The following MUC5AC variants were observed in gnomAD, a reference collection of about 807,000 sequenced individuals.
MUC5AC encodes mucin-5AC.
Under a neutral mutation model 169.7 loss-of-function variants are expected in MUC5AC, and 158 were observed. The ratio of observed to expected loss-of-function variants is 0.93; its 90% CI spans 0.82 to 1.06. The LOEUF (loss-of-function observed/expected upper bound fraction) is 1.06, where lower values mean the gene tolerates loss of function less well. MUC5AC is among the 50% of genes least tolerant of loss of function. The pLI is 0.00. For synonymous variants in MUC5AC, 1,975 were observed against 1,237.0 expected (o/e 1.60, Z -12.52); for missense variants, 4,359 against 3,089.9 (o/e 1.41, Z -9.74).
intron 19 of MUC5AC, among the ~76,000 whole-genome samples, chr11:1,175,928 CACACTCAT>C (rs1233240040): frequency 7.0e-6 from 1 of 142,780 alleles, no homozygotes; most frequent in African/African-American, 2.6e-5. Flanking sequence ...CTCATGCACA[CACACTCAT>C]ACTCATGCAC....
chr11:1,175,156 G>A lies in MUC5AC; in HGVS notation c.2348+19G>A. 1 of 323,502 alleles carries A rather than the reference G, an allele frequency of 3.1e-6. No homozygotes were observed. Among genetic ancestry groups the A allele is most frequent in the Non-Finnish European group, 5.5e-6 (1 of 183,034 alleles). 20.0% of individuals were successfully genotyped at this position (323,502 alleles called of 1,614,324 possible). A position where few individuals can be genotyped will look rare whatever the true frequency, so the allele number is the denominator to read the frequency against. On this transcript the variant is annotated intron_variant, in intron 18 of 48. Coordinates refer to ENST00000621226, the MANE Select transcript of MUC5AC (RefSeq NM_001304359.2). ...CTATCTGGTAAGAGCTCCCGCTGTG[G>A]ACTGGGGGGTCCCTCGTGTCTCCTG...
At chr11:1,159,606 T>G (rs1353577990) in intron 1 of MUC5AC, among the ~76,000 whole-genome samples, 3 of 62,348 alleles carry the variant, frequency 4.8e-5, no homozygotes, top group African/African-American at 1.1e-4. Flanking sequence ...TGCGGGGCTG[T>G]GCGGGGCTGG....
chr11:1,164,583 G>T, intron 9 of MUC5AC, 51 bp downstream of exon 9: 2 of 1,557,300 alleles, frequency 1.3e-6, no homozygotes, highest in Non-Finnish European at 1.7e-6. Context: ...ACAACTAGGG[G>T]GCTGTGCTCC....
Position 1,158,021 on chromosome 11 carries a change from C to G in MUC5AC, c.22C>G (p.Leu8Val). 1 of 1,605,932 alleles carries G rather than the reference C, an allele frequency of 6.2e-7. No individual in the cohort carries two copies. The highest frequency in any genetic ancestry group is 1.7e-5 in the Admixed American group (1 of 59,266). MSVGRRKLALLWALALAL... is the reference protein window; with the variant it reads MSVGRRKVALLWALALAL... The stretch of plus-strand genomic sequence containing the variant: ...CACAATGAGTGTTGGCCGGAGGAAG[C>G]TGGCCCTGCTCTGGGCCCTGGCTCT... The change falls in exon 1 of 49, where the codon CTG becomes GTG. Residue 8 changes from leucine (L) to valine (V), a missense_variant. Transcript: ENST00000621226.
In MUC5AC at chr11:1,194,657, C is replaced by G; in HGVS notation, c.15177C>G (p.Thr5059=). 1.3e-6 allele frequency: 1 copy of G among 761,352 alleles called. No individual in the cohort carries two copies. The highest frequency in any genetic ancestry group is 2.3e-4 in the Middle Eastern group (1 of 4,426). 47.2% of individuals were successfully genotyped at this position (761,352 alleles called of 1,614,324 possible). The change falls in exon 35 of 49, where the codon ACC becomes ACG. Residue 5059 remains threonine, a synonymous_variant. Transcript: ENST00000621226. The part of the protein sequence containing the change: ...EVPFSKFANN[T]EGQCGTCTND... ...CCTTCAGCAAGTTTGCCAACAACACCGAGGGCCAGTGCGGTGAGGCCACAG... is the reference window on the plus strand; with the variant it reads ...CCTTCAGCAAGTTTGCCAACAACACGGAGGGCCAGTGCGGTGAGGCCACAG...
chr11:1,195,576 C>G (rs891251285), intron 36 of MUC5AC, among the ~76,000 whole-genome samples: 2 of 150,158 alleles, frequency 1.3e-5, no homozygotes, highest in African/African-American at 2.5e-5. Context: ...GGTGTATGGA[C>G]GGGGGCATCG....
chr11:1,180,097 G>A lies in MUC5AC; in HGVS notation c.3560G>A (p.Arg1187His), dbSNP rs901119774. 2.0e-5 allele frequency: 8 copies of A among 398,966 alleles called. No homozygotes were observed. The highest frequency in any genetic ancestry group is 6.2e-5 in the African/African-American group (3 of 48,632). The allele number at this position is 398,966 out of a possible 1,614,324, so 24.7% of individuals were successfully genotyped here. A position where few individuals can be genotyped will look rare whatever the true frequency, so the allele number is the denominator to read the frequency against. ...CAGCCCTGCGGGGTGCCCTGCCTGC[G>A]CACCTGCCGGAACCCCCGTGGAGAC... ...HYQPCGVPCL[R>H]TCRNPRGDCL... Residue 1187 changes from arginine to histidine, a missense_variant, in exon 27 of 49, where the codon CGC becomes CAC. Physicochemically the swap from Arg to His is conservative, Grantham distance 29. Coordinates refer to ENST00000621226, the MANE Select transcript of MUC5AC (RefSeq NM_001304359.2).
At chr11:1,192,550 T>G (rs1861150598) in intron 31 of MUC5AC, 25 bp downstream of exon 31, 1 of 761,474 alleles carries the variant, frequency 1.3e-6, no homozygotes, top group Non-Finnish European at 2.4e-6. Flanking sequence ...CTGGTGCAAT[T>G]GTTTCTGAGC....
rs1590146769 is a variant in MUC5AC at position 1,188,340 on chromosome 11, A to C, written c.10195A>C (p.Thr3399Pro). The C allele has an allele frequency of 1.5e-6, 1 of 652,466 alleles. No individual in the cohort carries two copies. The highest frequency in any genetic ancestry group is 2.1e-5 in the Admixed American group (1 of 47,852). 40.4% of individuals were successfully genotyped at this position (652,466 alleles called of 1,614,324 possible). The change falls in exon 31 of 49, where the codon ACC becomes CCC. Residue 3399 changes from threonine to proline, a missense_variant. Transcript: ENST00000621226. ...AACTTCTGCCCCTACAACCAGCACA[A>C]CCTCCACTCCACAGACCAGCATATC... ...STTSAPTTSTTSTPQTSISSA... is the reference protein window; with the variant it reads ...STTSAPTTSTPSTPQTSISSA...
intron 15 of MUC5AC, among the ~76,000 whole-genome samples, chr11:1,170,420 CTCACCCAT>C (rs1478560637): frequency 0.08 from 9,741 of 122,488 alleles, 721 homozygotes; most frequent in Non-Finnish European, 0.11. Flanking sequence ...TACTCACCCA[CTCACCCAT>C]TCACCCATTC....
In MUC5AC at chr11:1,162,006, A is replaced by G. The variant is rs1860155427; in HGVS notation, c.311A>G (p.Asn104Ser). 6.2e-7 allele frequency: 1 copy of G among 1,612,592 alleles called. No individual in the cohort carries two copies. The highest frequency in any genetic ancestry group is 8.5e-7 in the Non-Finnish European group (1 of 1,179,764). ...GDVFRFPGLC[N>S]YVFSEHCGAA... ...GTCTTCCGCTTCCCCGGCCTCTGCAACTACGTGTTCTCCGAGCACTGCGGT... is the reference window on the plus strand; with the variant it reads ...GTCTTCCGCTTCCCCGGCCTCTGCAGCTACGTGTTCTCCGAGCACTGCGGT... Residue 104 changes from asparagine (N) to serine (S), a missense_variant, in exon 4 of 49, where the codon AAC becomes AGC. Physicochemically the swap from Asn to Ser is conservative, Grantham distance 46. Transcript: ENST00000621226.
In MUC5AC at chr11:1,195,756, A is replaced by G. The variant is rs1369459661; in HGVS notation, c.15459-120A>G. 5.1e-6 allele frequency: 3 copies of G among 584,784 alleles called. No homozygotes were observed. In the East Asian group the frequency reaches 9.0e-5, roughly 18 times the overall value. 36.2% of individuals were successfully genotyped at this position (584,784 alleles called of 1,614,324 possible). On this transcript the variant is annotated intron_variant, in intron 36 of 48. Coordinates refer to ENST00000621226, the MANE Select transcript of MUC5AC (RefSeq NM_001304359.2). The stretch of plus-strand genomic sequence containing the variant: ...CGGGGATACAGGAGGGCGGCCACAC[A>G]CCAGTGGCTGCTCTGGGACTCGCCT...
At position 1,187,873 on chromosome 11, in the gene MUC5AC, G is replaced by A; in HGVS notation, c.9728G>A (p.Gly3243Asp). Residue 3243 changes from glycine (G) to aspartate (D), a missense_variant, in exon 31 of 49, where the codon GGC becomes GAC. Physicochemically the swap from Gly to Asp is moderately conservative, Grantham distance 94. Coordinates refer to ENST00000621226, the MANE Select transcript of MUC5AC (RefSeq NM_001304359.2). ...GACTTCCCATCCCCTGGACCCCACG[G>A]CGGGGACAAGGAAACCTACAACAAC... The part of the protein sequence containing the change: ...DIDFPSPGPH[G>D]GDKETYNNII... 1.3e-6 allele frequency: 1 copy of A among 762,460 alleles called. No homozygotes were observed. Among genetic ancestry groups the A allele is most frequent in the South Asian group, 1.3e-5 (1 of 74,344 alleles). The allele number at this position is 762,460 out of a possible 1,614,324, so 47.2% of individuals were successfully genotyped here.
At chr11:1,181,591 G>C in intron 30 of MUC5AC, 132 bp downstream of exon 30, 1 of 397,688 alleles carries the variant, frequency 2.5e-6, no homozygotes, top group Non-Finnish European at 4.4e-6. Flanking sequence ...AGAAGGGATC[G>C]AGGAGCAGGG....
At chr11:1,165,595 C>T in intron 10 of MUC5AC, 27 bp from the exon 11 acceptor site, 2 of 1,610,338 alleles carry the variant, frequency 1.2e-6, no homozygotes, top group Middle Eastern at 3.3e-4. Flanking sequence ...GGGCCGGCAC[C>T]CACGTGGCAC....
chr11:1,192,373 C>T lies in MUC5AC; in HGVS notation c.14228C>T (p.Pro4743Leu), dbSNP rs1377249834. 2.6e-6 allele frequency: 2 copies of T among 765,028 alleles called. No individual in the cohort carries two copies. The highest frequency in any genetic ancestry group is 3.4e-5 in the African/African-American group (2 of 59,156). The allele number at this position is 765,028 out of a possible 1,614,324, so 47.4% of individuals were successfully genotyped here. A position where few individuals can be genotyped will look rare whatever the true frequency, so the allele number is the denominator to read the frequency against. The change falls in exon 31 of 49, where the codon CCT (proline) becomes CTT (leucine). Residue 4743 changes from proline to leucine, a missense_variant. Transcript: ENST00000621226. ...TCTGTGACCCCATATGGGACTTCTC[C>T]TACCAATGCTCTGTATCCTTCCCTG... The part of the protein sequence containing the change: ...VTSVTPYGTS[P>L]TNALYPSLST...
rs1861050513 is a variant in MUC5AC, at chr11:1,190,054, C to T, written c.11909C>T (p.Pro3970Leu). The T allele has an allele frequency of 3.9e-6, 3 of 764,888 alleles. No homozygotes were observed. The highest frequency in any genetic ancestry group is 2.4e-6 in the Non-Finnish European group (1 of 417,718). 47.4% of individuals were successfully genotyped at this position (764,888 alleles called of 1,614,324 possible). A position where few individuals can be genotyped will look rare whatever the true frequency, so the allele number is the denominator to read the frequency against. The change falls in exon 31 of 49, where the codon CCT (proline) becomes CTT (leucine). Residue 3970 changes from proline to leucine, a missense_variant. Physicochemically the swap from Pro to Leu is moderately conservative, Grantham distance 98. Transcript: ENST00000621226. ...TKWFDVDFPSPGPHGGDKETY... is the reference protein window; with the variant it reads ...TKWFDVDFPSLGPHGGDKETY... ...TGGTTTGACGTGGACTTTCCATCCC[C>T]TGGACCCCACGGTGGGGACAAGGAA...
chr11:1,168,072 C>T, intron 12 of MUC5AC, 85 bp downstream of exon 12: 1 of 1,212,446 alleles, frequency 8.2e-7, no homozygotes. Context: ...AGCCCTTCAT[C>T]CCTGGCATGA....
chr11:1,193,989 T>G, intron 33 of MUC5AC, 121 bp from the exon 34 acceptor site: 2 of 666,950 alleles, frequency 3.0e-6, no homozygotes, highest in South Asian at 3.4e-5. Flanking sequence ...GAGGGTCTTG[T>G]GCGCCCTGTG....
Sources: allele counts gnomAD v4.1 joint callset (sites outside exome capture counted in the v4.1 genomes callset), GRCh38; gene constraint gnomAD v4.1.1; transcripts MANE v1.5; gene names NCBI Gene and HGNC (gene_info 2026-07-23, HGNC 2026-07-21).